The following HECW2 variants were observed in gnomAD, a reference collection of about 807,000 sequenced individuals.
The protein encoded by HECW2 is E3 ubiquitin-protein ligase HECW2.
Under a neutral mutation model 175.2 loss-of-function variants are expected in HECW2, and 61 were observed. That is an observed-to-expected ratio of 0.35 (90% CI 0.28 to 0.43). The LOEUF (loss-of-function observed/expected upper bound fraction) is 0.43, where lower values mean the gene tolerates loss of function less well. HECW2 is among the 20% of genes least tolerant of loss of function. The pLI is 1.00. For missense variants in HECW2, 1,524 were observed against 2,000.5 expected (o/e 0.76, Z 4.54); for synonymous variants, 671 against 731.0 (o/e 0.92, Z 1.32).
chr2:196,215,241 C>T (rs762487390), intron 28 of HECW2, among the ~76,000 whole-genome samples: 5 of 152,280 alleles, frequency 3.3e-5, no homozygotes, highest in African/African-American at 7.2e-5. Flanking sequence ...AATGTGTGGA[C>T]GTTGTAATAA....
At chr2:196,395,715 T>TTA (rs1553512650) in intron 2 of HECW2, among the ~76,000 whole-genome samples, 19,965 of 150,058 alleles carry the variant, frequency 0.13, 1,357 homozygotes, top group Middle Eastern at 0.24. Context: ...TTTTTTTTTT[T>TTA]AAAAAAAGAA....
chr2:196,515,198 C>G (rs1349813923), intron 1 of HECW2, among the ~76,000 whole-genome samples: 1 of 152,266 alleles, frequency 6.6e-6, no homozygotes, highest in Non-Finnish European at 1.5e-5. Context: ...GCTGCCCACC[C>G]TGCCACAGAA....
chr2:196,283,926 T>TA (rs2106003937), intron 14 of HECW2, among the ~76,000 whole-genome samples: 1 of 152,304 alleles, frequency 6.6e-6, no homozygotes, highest in East Asian at 1.9e-4. Context: ...AGTTGGAACT[T>TA]ACCAAGCTGG....
intron 2 of HECW2, among the ~76,000 whole-genome samples, chr2:196,371,181 T>C (rs1353645208): frequency 6.6e-6 from 1 of 152,202 alleles, no homozygotes; most frequent in African/African-American, 2.4e-5. Context: ...TGAACCACAT[T>C]TCTAACAGAC....
chr2:196,306,647 A>G (rs756796927), intron 12 of HECW2, 35 bp from the exon 13 acceptor site: 261 of 1,572,190 alleles, frequency 1.7e-4, no homozygotes, highest in Non-Finnish European at 2.1e-4. Flanking sequence ...GGTCAGGGAA[A>G]TCTTTCTATG....
chr2:196,553,546 C>A (rs180885370), intron 1 of HECW2, among the ~76,000 whole-genome samples: 1 of 152,306 alleles, frequency 6.6e-6, no homozygotes, highest in East Asian at 1.9e-4. Flanking sequence ...GCCTTACACC[C>A]TTCAACAAAA....
At chr2:196,367,403 T>C (rs943757917) in intron 2 of HECW2, among the ~76,000 whole-genome samples, 1 of 152,140 alleles carries the variant, frequency 6.6e-6, no homozygotes. Context: ...ATGAGATACT[T>C]TGATACAGGC....
chr2:196,517,312 A>G (rs1688185762), intron 1 of HECW2, among the ~76,000 whole-genome samples: 1 of 152,362 alleles, frequency 6.6e-6, no homozygotes, highest in Non-Finnish European at 1.5e-5. Context: ...CCACATTCTA[A>G]GGAGAAAATT....
chr2:196,287,619 G>T (rs552608320), intron 14 of HECW2, among the ~76,000 whole-genome samples: 1 of 152,022 alleles, frequency 6.6e-6, no homozygotes, highest in Non-Finnish European at 1.5e-5. Flanking sequence ...CAACTTTCAC[G>T]GTTTTGTTTT....
chr2:196,278,771 A>G (rs1229919786), intron 14 of HECW2, 109 bp from the exon 15 acceptor site: 1 of 1,233,300 alleles, frequency 8.1e-7, no homozygotes, highest in African/African-American at 1.5e-5. Flanking sequence ...TCTTAGCTCT[A>G]TTTTCTCATA....
chr2:196,502,295 T>C (rs1029163399), intron 1 of HECW2, among the ~76,000 whole-genome samples: 1 of 152,248 alleles, frequency 6.6e-6, no homozygotes, highest in African/African-American at 2.4e-5. Context: ...TCCAACCTAA[T>C]TGAACTGTAC....
rs558094508 is a variant in HECW2 at position 196,197,930 on chromosome 2, T to C, written c.*3347A>G. ...AATGCATTTTTACCATTTCTGATTG[T>C]TGCACAGGTAAAACAGATTTTCCTT... is the stretch of plus-strand genomic sequence containing the variant. On this transcript the variant is annotated 3_prime_UTR_variant, in exon 29 of 29. Transcript: ENST00000644978. The C allele has an allele frequency of 4.6e-5, 7 of 152,370 alleles. No homozygotes were observed. The highest frequency in any genetic ancestry group is 3.4e-3 in the Middle Eastern group (1 of 294). The allele number at this position is 152,370 out of a possible 1,614,324, so 9.4% of individuals were successfully genotyped here. A position where few individuals can be genotyped will look rare whatever the true frequency, so the allele number is the denominator to read the frequency against.
chr2:196,261,295 G>A (rs1174745013), intron 17 of HECW2, among the ~76,000 whole-genome samples: 1 of 152,184 alleles, frequency 6.6e-6, no homozygotes, highest in African/African-American at 2.4e-5. Context: ...ATGCATTCAT[G>A]CTAAATAATG....
chr2:196,500,230 A>T (rs970945891), intron 1 of HECW2, among the ~76,000 whole-genome samples: 1 of 152,194 alleles, frequency 6.6e-6, no homozygotes, highest in African/African-American at 2.4e-5. Flanking sequence ...AAGTTTTTTT[A>T]GTAGATACAA....
chr2:196,278,772 T>C, intron 14 of HECW2, 110 bp from the exon 15 acceptor site: 1 of 1,237,488 alleles, frequency 8.1e-7, no homozygotes, highest in Non-Finnish European at 1.1e-6. Context: ...CTTAGCTCTA[T>C]TTTCTCATAA....
chr2:196,242,261 T>C, intron 19 of HECW2, 57 bp from the exon 20 acceptor site: 1 of 1,607,704 alleles, frequency 6.2e-7, no homozygotes, highest in Non-Finnish European at 8.5e-7. Flanking sequence ...CTTATGTTCA[T>C]CACATCACCA....
rs367730393 is a variant in HECW2 at position 196,278,702 on chromosome 2, A to G, written c.3001-40T>C. 9.9e-6 allele frequency: 16 copies of G among 1,610,686 alleles called. No homozygotes were observed. The African/African-American group carries it at 1.9e-4, about 19-fold the overall frequency. ...ACTGAGTCAAATACATGCCGCTCACATGTCTTAGCTGACTTATAACATCAG... is the reference window on the plus strand; with the variant it reads ...ACTGAGTCAAATACATGCCGCTCACGTGTCTTAGCTGACTTATAACATCAG... On this transcript the variant is annotated intron_variant, in intron 14 of 28. Transcript: ENST00000644978.
chr2:196,201,451 T>G (rs4566380), intron 28 of HECW2, 63 bp from the exon 29 acceptor site: 680,859 of 1,001,940 alleles, frequency 0.68, 206,683 homozygotes, highest in East Asian at 0.74. Flanking sequence ...ATGTGTGTGG[T>G]GTGTGTGTGT....
chr2:196,238,953 T>C (rs1292594333), intron 21 of HECW2: 1 of 152,242 alleles, frequency 6.6e-6, no homozygotes, highest in Non-Finnish European at 1.5e-5. Flanking sequence ...CAACAAACTC[T>C]GGTCCAACAA....
Sources: allele counts gnomAD v4.1 joint callset (sites outside exome capture counted in the v4.1 genomes callset), GRCh38; gene constraint gnomAD v4.1.1; transcripts MANE v1.5; gene names NCBI Gene and HGNC (gene_info 2026-07-23, HGNC 2026-07-21).